The following COBLL1 variants were observed in gnomAD, a reference collection of about 807,000 sequenced individuals.
COBLL1 encodes the protein cordon-bleu protein-like 1.
In COBLL1, 50 loss-of-function variants were observed where a neutral mutation model predicts 94.8. The ratio of observed to expected loss-of-function variants is 0.53; its 90% CI spans 0.42 to 0.67. COBLL1 has a LOEUF of 0.67. Ranked by LOEUF, COBLL1 falls within the 30% of genes least tolerant of loss-of-function variation. The pLI is 0.00. For missense variants in COBLL1, 1,362 were observed against 1,348.7 expected, an observed-to-expected ratio of 1.01 and a Z score of -0.15; for synonymous variants, 448 against 473.8, an observed-to-expected ratio of 0.95 and a Z score of 0.71.
intron 2 of COBLL1, among the ~76,000 whole-genome samples, chr2:164,826,332 T>C (rs1685426006): frequency 6.6e-6 from 1 of 152,204 alleles, no homozygotes; most frequent in Admixed American, 6.5e-5. Flanking sequence ...CACAGTGGAC[T>C]TATGAACTTT....
chr2:164,818,601 A>G (rs9679752), intron 2 of COBLL1, among the ~76,000 whole-genome samples: 65,010 of 136,864 alleles, frequency 0.47, 16,291 homozygotes, highest in African/African-American at 0.63. Flanking sequence ...CATATATAGC[A>G]TATGTGTACA....
downstream of COBLL1, among the ~76,000 whole-genome samples, chr2:164,677,386 A>G (rs1691357109): frequency 6.6e-6 from 1 of 152,168 alleles, no homozygotes; most frequent in Non-Finnish European, 1.5e-5. Context: ...TTTAGGTTGT[A>G]CCAGCAAAGG....
intron 2 of COBLL1, among the ~76,000 whole-genome samples, chr2:164,805,335 C>CATATAAAAATATATATGTATAAA (rs1559033572): frequency 5.0e-5 from 1 of 19,840 alleles, no homozygotes; most frequent in African/African-American, 1.9e-4. Flanking sequence ...CTCTCTCTCT[C>CATATAAAAATATATATGTATAAA]TCTATATATA....
intron 2 of COBLL1, among the ~76,000 whole-genome samples, chr2:164,796,229 C>G (rs1683448823): frequency 6.6e-6 from 1 of 152,056 alleles, no homozygotes; most frequent in Admixed American, 6.6e-5. Flanking sequence ...GGGGCATAAC[C>G]AAATGCAAAG....
chr2:164,751,082 T>C (rs1574518564), intron 2 of COBLL1, among the ~76,000 whole-genome samples: 1 of 152,200 alleles, frequency 6.6e-6, no homozygotes, highest in East Asian at 1.9e-4. Context: ...AAACTTCAAA[T>C]TGCCTGCTCC....
chr2:164,801,998 T>C (rs1683833895), intron 2 of COBLL1, among the ~76,000 whole-genome samples: 1 of 152,214 alleles, frequency 6.6e-6, no homozygotes, highest in African/African-American at 2.4e-5. Context: ...TGATTCTTTG[T>C]AGCTGCATTT....
At chr2:164,703,239 C>A in intron 9 of COBLL1, 1 of 1,546,454 alleles carries the variant, frequency 6.5e-7, no homozygotes, top group South Asian at 1.1e-5. Context: ...GAAGTAGAAT[C>A]TGTAGAAATG....
intron 2 of COBLL1, chr2:164,772,153 T>C (rs1688236463): frequency 7.1e-6 from 1 of 140,404 alleles, no homozygotes; most frequent in Admixed American, 6.9e-5. Context: ...AGTGTGTGGT[T>C]AGCAGCAATA....
chr2:164,826,466 T>G (rs758276064), intron 2 of COBLL1, among the ~76,000 whole-genome samples: 7 of 152,192 alleles, frequency 4.6e-5, no homozygotes, highest in Non-Finnish European at 1.0e-4. Context: ...TTTCTAGCAA[T>G]GTAGATAATA....
In COBLL1 at chr2:164,841,506, A is replaced by G. The variant is rs1045236388; in HGVS notation, c.-51+204T>C. ...GCCCCGTGGGGTTTACTGGGTAGCC[A>G]TTTGGCGCCTCTCGGAGGGAGAGGA... On this transcript the variant is annotated intron_variant, in intron 1 of 13. Coordinates refer to ENST00000652658, the MANE Select transcript of COBLL1 (RefSeq NM_001365672.2). The surrounding 1 kb of genome is among the most constrained non-coding windows in gnomAD (Gnocchi z 5.5). The G allele has an allele frequency of 9.3e-7, 1 of 1,079,254 alleles. No homozygotes were observed. The highest frequency in any genetic ancestry group is 5.0e-5 in the Admixed American group (1 of 20,156). 66.9% of individuals were successfully genotyped at this position (1,079,254 alleles called of 1,614,324 possible).
At position 164,722,468 on chromosome 2, in the gene COBLL1, C is replaced by A. The variant is rs756329037; in HGVS notation, c.716G>T (p.Gly239Val). 3 of 1,525,852 alleles carry A rather than the reference C, an allele frequency of 2.0e-6. No homozygotes were observed. Among genetic ancestry groups the A allele is most frequent in the South Asian group, 1.3e-5 (1 of 75,512 alleles). 94.5% of individuals were successfully genotyped at this position (1,525,852 alleles called of 1,614,324 possible). ...LDIMKEKENK[G>V]FFSFFQRSKK... is the part of the protein sequence containing the mutation. ...ACTGCGTTGAAAAAAACTGAAAAAC[C>A]CTTTATTTTCTTTCTCCTTCATAAT... The change falls in exon 6 of 14, where the codon GGG (glycine) becomes GTG (valine). Residue 239 changes from glycine (G) to valine (V), a missense_variant. Transcript: ENST00000652658.
At chr2:164,827,455 T>C (rs1014822137) in intron 2 of COBLL1, among the ~76,000 whole-genome samples, 6 of 152,234 alleles carry the variant, frequency 3.9e-5, no homozygotes, top group South Asian at 2.1e-4. Context: ...AGAATACTCA[T>C]ACTTGTTTTT....
chr2:164,671,303 GTTTT>G (rs1412010337), intron 1 of COBLL1, among the ~76,000 whole-genome samples: 2 of 151,704 alleles, frequency 1.3e-5, no homozygotes, highest in African/African-American at 4.8e-5. Flanking sequence ...TTCCTTTTTT[GTTTT>G]TTTGTCTTTT....
intron 2 of COBLL1, among the ~76,000 whole-genome samples, chr2:164,789,020 A>AAC (rs56773751): frequency 0.023 from 3,230 of 141,582 alleles, 66 homozygotes; most frequent in South Asian, 0.069. Flanking sequence ...TAGAGGTTTA[A>AAC]ACACACACAC....
At position 164,841,569 on chromosome 2, in the gene COBLL1, G is replaced by C. The variant is rs866989321; in HGVS notation, c.-51+141C>G. On this transcript the variant is annotated intron_variant, in intron 1 of 13. Transcript: ENST00000652658. The surrounding 1 kb of genome is among the most constrained non-coding windows in gnomAD (Gnocchi z 5.5). Reference sequence around the variant, plus strand: ...GGAAAAGGAGGAGGAGCGGGGCCGGGCGCACGGGCACCGCTGCCACGCCGG... The same window carrying C: ...GGAAAAGGAGGAGGAGCGGGGCCGGCCGCACGGGCACCGCTGCCACGCCGG... 2 of 603,986 alleles carry C rather than the reference G, an allele frequency of 3.3e-6. No homozygotes were observed. Among genetic ancestry groups the C allele is most frequent in the Non-Finnish European group, 4.5e-6 (2 of 449,132 alleles). 37.4% of individuals were successfully genotyped at this position (603,986 alleles called of 1,614,324 possible). A position where few individuals can be genotyped will look rare whatever the true frequency, so the allele number is the denominator to read the frequency against.
intron 1 of COBLL1, among the ~76,000 whole-genome samples, chr2:164,672,031 A>G (rs772552722): frequency 6.6e-6 from 1 of 152,334 alleles, no homozygotes; most frequent in Middle Eastern, 3.4e-3. Flanking sequence ...TCAGCATAAA[A>G]TGTATTGATA....
At chr2:164,711,529 T>C (rs1255128508) in intron 7 of COBLL1, among the ~76,000 whole-genome samples, 1 of 152,218 alleles carries the variant, frequency 6.6e-6, no homozygotes, top group Non-Finnish European at 1.5e-5. Flanking sequence ...ATCTCCACCT[T>C]TGAGTCAACT....
intron 2 of COBLL1, among the ~76,000 whole-genome samples, chr2:164,749,327 A>G (rs1456587879): frequency 1.3e-5 from 2 of 152,204 alleles, no homozygotes; most frequent in African/African-American, 4.8e-5. Flanking sequence ...ATACAAAAAT[A>G]TGAGTGAATT....
At chr2:164,816,392 G>A (rs779967851) in intron 2 of COBLL1, among the ~76,000 whole-genome samples, 25 of 152,104 alleles carry the variant, frequency 1.6e-4, no homozygotes, top group Admixed American at 2.0e-4. Flanking sequence ...CAGACACCCC[G>A]CATTCTCAAT....
Sources: allele counts gnomAD v4.1 joint callset (sites outside exome capture counted in the v4.1 genomes callset), GRCh38; gene constraint gnomAD v4.1.1; non-coding constraint Gnocchi (gnomAD v3.1); transcripts MANE v1.5; gene names NCBI Gene and HGNC (gene_info 2026-07-23, HGNC 2026-07-21).